The following PHACTR1 variants were observed in gnomAD, a reference collection of about 807,000 sequenced individuals.
The protein encoded by PHACTR1 is RPEL repeat containing 1.
In PHACTR1, 16 loss-of-function variants were observed where a neutral mutation model predicts 69.2. That is an observed-to-expected ratio of 0.23 (90% CI 0.16 to 0.35). PHACTR1 has a LOEUF of 0.35. Among genes scored for constraint, PHACTR1 ranks in the 10% least tolerant of loss-of-function variants. The pLI, the probability that PHACTR1 is intolerant of heterozygous loss-of-function variation, is 1.00. For missense variants in PHACTR1, 510 were observed against 734.7 expected (o/e 0.69, Z 3.54); for synonymous variants, 312 against 284.5 (o/e 1.10, Z -0.97).
At chr6:13,129,315 C>T (rs953428379) in intron 5 of PHACTR1, among the ~76,000 whole-genome samples, 2 of 152,086 alleles carry the variant, frequency 1.3e-5, no homozygotes, top group Non-Finnish European at 2.9e-5. Flanking sequence ...CATCTTAATA[C>T]TAACATCGAA....
At chr6:13,250,338 C>T (rs984150773) in intron 10 of PHACTR1, among the ~76,000 whole-genome samples, 1 of 152,218 alleles carries the variant, frequency 6.6e-6, no homozygotes, top group South Asian at 2.1e-4. Flanking sequence ...CCTTTGTGCT[C>T]ATTACTCTAA....
At chr6:13,156,720 C>A (rs1326990391) in intron 5 of PHACTR1, among the ~76,000 whole-genome samples, 1 of 152,192 alleles carries the variant, frequency 6.6e-6, no homozygotes, top group Non-Finnish European at 1.5e-5. Flanking sequence ...CCTCCAACCC[C>A]GATTCTCACC....
chr6:13,283,359 CA>C lies in PHACTR1; in HGVS notation c.1510-62del. ...TTTTCCACACCTGCAAGTTCACAGACAGGACCAAGTGCCATGGTCAACCCTT... is the reference window on the plus strand; with the variant it reads ...TTTTCCACACCTGCAAGTTCACAGACGGACCAAGTGCCATGGTCAACCCTT... On this transcript the variant is annotated intron_variant, in intron 12 of 14. Coordinates refer to ENST00000332995, the MANE Select transcript of PHACTR1 (RefSeq NM_030948.6). This position sits in a 1 kb window ranked among gnomAD's most constrained non-coding sequence, Gnocchi z 4.7. The C allele has an allele frequency of 2.0e-6, 3 of 1,534,474 alleles. No homozygotes were observed. The highest frequency in any genetic ancestry group is 2.7e-6 in the Non-Finnish European group (3 of 1,130,706).
intron 4 of PHACTR1, among the ~76,000 whole-genome samples, chr6:12,959,176 C>CAAAAAAAAAAAAAAAAAAAAAAAAAAA (rs70989814): frequency 6.5e-5 from 3 of 46,250 alleles, no homozygotes; most frequent in African/African-American, 9.4e-5. Context: ...GACTTTATCT[C>CAAAAAAAAAAAAAAAAAAAAAAAAAAA]AAAAAAAAAA....
At chr6:13,285,700 C>T (rs2127498360) in intron 13 of PHACTR1, among the ~76,000 whole-genome samples, 1 of 152,298 alleles carries the variant, frequency 6.6e-6, no homozygotes, top group African/African-American at 2.4e-5. Flanking sequence ...AGGGAGCTGG[C>T]CATCACCTGT....
At chr6:12,986,328 T>C (rs1316782808) in intron 4 of PHACTR1, among the ~76,000 whole-genome samples, 1 of 152,170 alleles carries the variant, frequency 6.6e-6, no homozygotes, top group East Asian at 1.9e-4. Context: ...TAGTTGTGTA[T>C]TGTGGAGCTG....
intron 4 of PHACTR1, among the ~76,000 whole-genome samples, chr6:12,977,977 G>A (rs1370256428): frequency 6.6e-6 from 1 of 152,204 alleles, no homozygotes; most frequent in African/African-American, 2.4e-5. Context: ...AAACATATGT[G>A]CATGTGAACA....
chr6:13,111,951 T>C (rs553088895), intron 5 of PHACTR1, among the ~76,000 whole-genome samples: 1 of 152,152 alleles, frequency 6.6e-6, no homozygotes, highest in Non-Finnish European at 1.5e-5. Context: ...ATGGGGGTTC[T>C]TTGTACGGAT....
chr6:13,142,490 AT>A (rs1583556346), intron 5 of PHACTR1, among the ~76,000 whole-genome samples: 1 of 152,236 alleles, frequency 6.6e-6, no homozygotes, highest in East Asian at 1.9e-4. Context: ...ATCCAGGGTC[AT>A]GAAGATTTAC....
chr6:13,282,090 G>A (rs923101913), intron 12 of PHACTR1, among the ~76,000 whole-genome samples: 1 of 152,196 alleles, frequency 6.6e-6, no homozygotes, highest in African/African-American at 2.4e-5. Flanking sequence ...CACTAGCCAC[G>A]GGTGTCTGGA....
At chr6:13,227,774 T>C in intron 8 of PHACTR1, 42 bp from the exon 9 acceptor site, 2 of 1,601,758 alleles carry the variant, frequency 1.2e-6, no homozygotes, top group Non-Finnish European at 1.7e-6. Context: ...TATAGCACGT[T>C]AGCCAAAGTG....
At chr6:12,985,145 C>G (rs1489782501) in intron 4 of PHACTR1, among the ~76,000 whole-genome samples, 2 of 152,180 alleles carry the variant, frequency 1.3e-5, no homozygotes, top group African/African-American at 2.4e-5. Context: ...CATCAACATT[C>G]TAAGTTGATA....
At chr6:12,782,105 C>A (rs1301553126) in intron 4 of PHACTR1, among the ~76,000 whole-genome samples, 1 of 152,104 alleles carries the variant, frequency 6.6e-6, no homozygotes, top group African/African-American at 2.4e-5. Flanking sequence ...TGGTCTGGCT[C>A]AATGTTTTCA....
chr6:13,121,719 G>A (rs990400473), intron 5 of PHACTR1, among the ~76,000 whole-genome samples: 1 of 152,208 alleles, frequency 6.6e-6, no homozygotes, highest in Non-Finnish European at 1.5e-5. Context: ...GGTGGGAACA[G>A]GCAAGGCTGG....
At chr6:12,852,760 A>C (rs1779960210) in intron 4 of PHACTR1, among the ~76,000 whole-genome samples, 1 of 152,188 alleles carries the variant, frequency 6.6e-6, no homozygotes, top group African/African-American at 2.4e-5. Flanking sequence ...CGTTGCTCAG[A>C]AAGTATTCAA....
At chr6:13,122,456 A>C (rs1468305945) in intron 5 of PHACTR1, among the ~76,000 whole-genome samples, 1 of 152,210 alleles carries the variant, frequency 6.6e-6, no homozygotes, top group Non-Finnish European at 1.5e-5. Flanking sequence ...ATGTGTGTGC[A>C]CATCAGCATG....
Position 13,131,208 on chromosome 6 carries a change from T to TACACATACACAC in PHACTR1, c.416-28991_416-28990insTACACACACACA, listed in dbSNP as rs67522119. Among the ~76,000 whole-genome samples the TACACATACACAC allele has an allele frequency of 4.0e-3, 585 of 146,410 alleles. 4 individuals carry two copies. The highest frequency in any genetic ancestry group is 0.014 in the Middle Eastern group (4 of 286). ...ACACACACACATATATATATACACA[T>TACACATACACAC]ACACACACACACACACACACACACA... On this transcript the variant is annotated intron_variant, in intron 5 of 14. Transcript: ENST00000332995.
At chr6:13,257,301 C>G (rs557700824) in intron 10 of PHACTR1, among the ~76,000 whole-genome samples, 68 of 152,212 alleles carry the variant, frequency 4.5e-4, no homozygotes, top group African/African-American at 1.6e-3. Context: ...AGAAACCACC[C>G]CCATGATCCA....
At chr6:12,801,350 T>C (rs1773673206) in intron 4 of PHACTR1, among the ~76,000 whole-genome samples, 1 of 152,198 alleles carries the variant, frequency 6.6e-6, no homozygotes, top group South Asian at 2.1e-4. Flanking sequence ...GCAGCATTGT[T>C]GCCACATACT....
Sources: gnomAD v4.1 joint callset for allele counts (sites outside exome capture counted in the v4.1 genomes callset) on GRCh38, gnomAD v4.1.1 for gene constraint, Gnocchi (gnomAD v3.1) non-coding constraint, MANE v1.5 for transcripts, NCBI Gene and HGNC (gene_info 2026-07-23, HGNC 2026-07-21) for gene names.